Variants in FAM171B observed in about 807,000 individuals in gnomAD.
The protein encoded by FAM171B is family with sequence similarity 171 member B.
Under a neutral mutation model 75.6 loss-of-function variants are expected in FAM171B, and 19 were observed. That is an observed-to-expected ratio of 0.25 (90% CI 0.18 to 0.37). The LOEUF (loss-of-function observed/expected upper bound fraction) is 0.37, where lower values mean the gene tolerates loss of function less well. Ranked by LOEUF, FAM171B falls within the 10% of genes least tolerant of loss-of-function variation. FAM171B has a pLI of 1.00. For missense variants in FAM171B, 848 were observed against 982.4 expected (o/e 0.86, Z 1.83); for synonymous variants, 367 against 361.7 (o/e 1.01, Z -0.17).
At chr2:186,709,489 A>G (rs183999599) in intron 1 of FAM171B, among the ~76,000 whole-genome samples, 76 of 152,268 alleles carry the variant, frequency 5.0e-4, no homozygotes, top group African/African-American at 1.8e-3. Context: ...CTATCAATTT[A>G]TTGGGATCTA....
chr2:186,732,230 T>G (rs998044371), intron 1 of FAM171B, among the ~76,000 whole-genome samples: 1 of 152,198 alleles, frequency 6.6e-6, no homozygotes, highest in Non-Finnish European at 1.5e-5. Context: ...GAGGACATGG[T>G]TTGGCATGAG....
At chr2:186,761,391 T>A in intron 7 of FAM171B, 88 bp from the exon 8 acceptor site, 3 of 1,455,132 alleles carry the variant, frequency 2.1e-6, no homozygotes, top group Non-Finnish European at 2.8e-6. Context: ...GCATTGCATG[T>A]ATGATATGTA....
chr2:186,741,582 G>A (rs1690289118), intron 2 of FAM171B, among the ~76,000 whole-genome samples: 1 of 152,034 alleles, frequency 6.6e-6, no homozygotes. Flanking sequence ...ATGACAACAT[G>A]CTTTAATAAT....
At chr2:186,703,061 G>A (rs1175157125) in intron 1 of FAM171B, among the ~76,000 whole-genome samples, 1 of 128,178 alleles carries the variant, frequency 7.8e-6, no homozygotes, top group Non-Finnish European at 1.6e-5. Context: ...ATATGTGTGT[G>A]TGTATATATA....
At chr2:186,743,752 C>CT in intron 3 of FAM171B, among the ~76,000 whole-genome samples, 177 bp downstream of exon 3, 1 of 152,258 alleles carries the variant, frequency 6.6e-6, no homozygotes, top group Admixed American at 6.5e-5. Context: ...ATGGTGTGGG[C>CT]TTTTTTGTAT....
At chr2:186,725,029 T>A (rs1326628328) in intron 1 of FAM171B, among the ~76,000 whole-genome samples, 1 of 152,192 alleles carries the variant, frequency 6.6e-6, no homozygotes, top group Non-Finnish European at 1.5e-5. Flanking sequence ...ACCTCTTTGT[T>A]CTTTCCTCAG....
In FAM171B at chr2:186,763,380, C is replaced by T. The variant is rs142338381; in HGVS notation, c.*557C>T. ...AGCATGTGTATTGTATCATCCCAAA[C>T]GTAAATCCTACATTTATATAAGATG... On this transcript the variant is annotated 3_prime_UTR_variant, in exon 8 of 8. Coordinates refer to ENST00000304698, the MANE Select transcript of FAM171B (RefSeq NM_177454.4). 814 of 152,174 alleles carry T rather than the reference C, an allele frequency of 5.3e-3. 4 individuals carry two copies. Among genetic ancestry groups the T allele is most frequent in the Non-Finnish European group, 9.6e-3 (651 of 68,032 alleles). 9.4% of individuals were successfully genotyped at this position (152,174 alleles called of 1,614,324 possible).
At chr2:186,713,914 A>T (rs1267614412) in intron 1 of FAM171B, among the ~76,000 whole-genome samples, 2 of 152,226 alleles carry the variant, frequency 1.3e-5, no homozygotes, top group African/African-American at 4.8e-5. Context: ...AAATCTTAAC[A>T]TGAGCTAGAA....
At position 186,762,829 on chromosome 2, in the gene FAM171B, A is replaced by C; in HGVS notation, c.*6A>C. On this transcript the variant is annotated 3_prime_UTR_variant, in exon 8 of 8. Transcript: ENST00000304698. The surrounding 1 kb of genome is among the most constrained non-coding windows in gnomAD (Gnocchi z 4.0). ...CACTGATTCCCATAAATTAACTCCA[A>C]TGGGGATTGTGTGTCTGCTGTCTCG... 6.2e-7 allele frequency: 1 copy of C among 1,604,740 alleles called. No individual in the cohort carries two copies. The highest frequency in any genetic ancestry group is 1.1e-5 in the South Asian group (1 of 89,568).
At chr2:186,698,109 G>A (rs932118051) in intron 1 of FAM171B, among the ~76,000 whole-genome samples, 3 of 152,120 alleles carry the variant, frequency 2.0e-5, no homozygotes, top group Non-Finnish European at 4.4e-5. Context: ...GGGAGCTAGT[G>A]GTAGTTGGGA....
intron 1 of FAM171B, among the ~76,000 whole-genome samples, chr2:186,732,168 A>C (rs1381739434): frequency 6.6e-6 from 1 of 151,998 alleles, no homozygotes; most frequent in Non-Finnish European, 1.5e-5. Flanking sequence ...TACTATTATA[A>C]CTTTTTTTTG....
intron 4 of FAM171B, among the ~76,000 whole-genome samples, chr2:186,748,605 G>A (rs1312863070): frequency 1.3e-5 from 2 of 152,190 alleles, no homozygotes; most frequent in East Asian, 1.9e-4. Flanking sequence ...GGACAACTCT[G>A]AGCCAGTGTA....
chr2:186,751,352 A>T (rs775077122), intron 5 of FAM171B, 48 bp downstream of exon 5: 1 of 1,433,454 alleles, frequency 7.0e-7, no homozygotes, highest in Non-Finnish European at 9.3e-7. Flanking sequence ...ATATTTGTCA[A>T]TTGACTAGCT....
intron 4 of FAM171B, among the ~76,000 whole-genome samples, chr2:186,748,303 A>G (rs1690400339): frequency 1.3e-5 from 2 of 148,176 alleles, no homozygotes; most frequent in South Asian, 2.2e-4. Context: ...TATAATTCTG[A>G]TAGTTTCTTT....
chr2:186,741,526 A>G (rs1690287830), intron 2 of FAM171B, among the ~76,000 whole-genome samples: 1 of 152,158 alleles, frequency 6.6e-6, no homozygotes. Context: ...GGACAAAATC[A>G]TGGCCTATCA....
At chr2:186,704,006 C>T (rs908118908) in intron 1 of FAM171B, among the ~76,000 whole-genome samples, 3 of 151,960 alleles carry the variant, frequency 2.0e-5, no homozygotes, top group African/African-American at 4.8e-5. Flanking sequence ...ATGGTTAATT[C>T]GGTTTGTATA....
chr2:186,708,084 C>T (rs1252176210), intron 1 of FAM171B, among the ~76,000 whole-genome samples: 5 of 151,830 alleles, frequency 3.3e-5, no homozygotes, highest in African/African-American at 1.2e-4. Flanking sequence ...ATGAAGGTCT[C>T]GGTATAGATA....
intron 2 of FAM171B, among the ~76,000 whole-genome samples, chr2:186,741,828 C>T (rs1317500814): frequency 1.3e-5 from 2 of 151,426 alleles, no homozygotes; most frequent in Non-Finnish European, 2.9e-5. Context: ...CACAAATAAA[C>T]GTATGTTAAA....
At chr2:186,743,917 G>C (rs949148806) in intron 3 of FAM171B, among the ~76,000 whole-genome samples, 4 of 152,134 alleles carry the variant, frequency 2.6e-5, no homozygotes, top group African/African-American at 9.7e-5. Flanking sequence ...AGGCCTTTGG[G>C]GCTAATTTAC....
Sources: allele counts gnomAD v4.1 joint callset (sites outside exome capture counted in the v4.1 genomes callset), GRCh38; gene constraint gnomAD v4.1.1; non-coding constraint Gnocchi (gnomAD v3.1); transcripts MANE v1.5; gene names NCBI Gene and HGNC (gene_info 2026-07-23, HGNC 2026-07-21).